The following EMCN variants were observed in gnomAD, a reference collection of about 807,000 sequenced individuals.
EMCN encodes MUC-14.
In EMCN, 37 loss-of-function variants were observed where a neutral mutation model predicts 38.4. The observed-to-expected ratio is 0.96, with a 90% confidence interval of 0.74 to 1.27. The LOEUF is 1.27. EMCN is among the 50% of genes most tolerant of loss of function. The pLI, the probability that EMCN is intolerant of heterozygous loss-of-function variation, is 0.00. For synonymous variants in EMCN, 95 were observed against 100.8 expected (o/e 0.94, Z 0.35); for missense variants, 318 against 302.8 (o/e 1.05, Z -0.37).
intron 1 of EMCN, chr4:100,487,098 T>C (rs992194579): frequency 3.7e-6 from 3 of 801,542 alleles, no homozygotes; most frequent in Non-Finnish European, 4.5e-6. Context: ...AAGGAATATC[T>C]TGGCAATGCT....
At chr4:100,417,196 A>G in intron 8 of EMCN, 55 bp from the exon 9 acceptor site, 1 of 1,557,556 alleles carries the variant, frequency 6.4e-7, no homozygotes, top group South Asian at 1.1e-5. Context: ...TACCATAAAT[A>G]TGAGCAAGCC....
intron 1 of EMCN, among the ~76,000 whole-genome samples, chr4:100,502,927 T>A (rs1729386988): frequency 6.6e-6 from 1 of 152,180 alleles, no homozygotes; most frequent in South Asian, 2.1e-4. Context: ...ATAATCTCAA[T>A]TTGATATAAT....
At chr4:100,447,834 C>T (rs575739427) in intron 4 of EMCN, among the ~76,000 whole-genome samples, 28 of 152,132 alleles carry the variant, frequency 1.8e-4, no homozygotes, top group African/African-American at 6.3e-4. Context: ...TAACTATTCA[C>T]CTCTGCCTTA....
intron 5 of EMCN, among the ~76,000 whole-genome samples, chr4:100,427,480 C>A (rs1379584629): frequency 6.8e-6 from 1 of 146,268 alleles, no homozygotes; most frequent in Non-Finnish European, 1.5e-5. Flanking sequence ...TAGAGATAGA[C>A]CTTGCTATGT....
At chr4:100,447,689 A>G (rs1727716756) in intron 4 of EMCN, 118 bp from the exon 5 acceptor site, 2 of 609,616 alleles carry the variant, frequency 3.3e-6, no homozygotes, top group Admixed American at 5.8e-5. Context: ...CTGATTCACT[A>G]TTTTCAAATC....
rs1256437158 is a variant in EMCN at position 100,517,964 on chromosome 4, A to C, written c.-50T>G. On this transcript the variant is annotated 5_prime_UTR_variant, in exon 1 of 12. Coordinates refer to ENST00000296420, the MANE Select transcript of EMCN (RefSeq NM_016242.4). ...CTTCTTTCTCCAGAAGCAGGCAGGG[A>C]CAATTCCCTCCCAGCCTGGCAGGGC... 6.3e-7 allele frequency: 1 copy of C among 1,587,780 alleles called. No homozygotes were observed.
At chr4:100,473,181 A>G (rs960972192) in intron 3 of EMCN, among the ~76,000 whole-genome samples, 14 of 149,374 alleles carry the variant, frequency 9.4e-5, no homozygotes, top group Non-Finnish European at 1.8e-4. Context: ...CGCCCAGTAA[A>G]TTTTTGTATT....
At chr4:100,427,350 C>A (rs1205645779) in intron 5 of EMCN, among the ~76,000 whole-genome samples, 1 of 152,184 alleles carries the variant, frequency 6.6e-6, no homozygotes, top group African/African-American at 2.4e-5. Context: ...CAGTTCCCTG[C>A]AGCCTTCATT....
intron 1 of EMCN, among the ~76,000 whole-genome samples, chr4:100,490,976 T>C (rs1474065219): frequency 6.6e-6 from 1 of 152,226 alleles, no homozygotes; most frequent in African/African-American, 2.4e-5. Context: ...CTGAGAAATG[T>C]CTCTTTAGTT....
At chr4:100,459,575 CT>C (rs1423623242) in intron 4 of EMCN, among the ~76,000 whole-genome samples, 1 of 152,054 alleles carries the variant, frequency 6.6e-6, no homozygotes, top group Admixed American at 6.6e-5. Flanking sequence ...CATTCCCACC[CT>C]ACCCAACTCC....
intron 5 of EMCN, among the ~76,000 whole-genome samples, chr4:100,427,880 C>A (rs1727094328): frequency 6.6e-6 from 1 of 152,130 alleles, no homozygotes; most frequent in Non-Finnish European, 1.5e-5. Flanking sequence ...GACATTCCTT[C>A]CAATTGCTCA....
intron 1 of EMCN, among the ~76,000 whole-genome samples, chr4:100,493,409 C>A (rs1398046451): frequency 6.6e-6 from 1 of 152,082 alleles, no homozygotes; most frequent in African/African-American, 2.4e-5. Flanking sequence ...GCTCATGTGG[C>A]GGAAGAAAGA....
At chr4:100,489,707 C>G (rs925932162) in intron 1 of EMCN, among the ~76,000 whole-genome samples, 12 of 152,252 alleles carry the variant, frequency 7.9e-5, no homozygotes, top group Admixed American at 7.2e-4. Context: ...ATATACCATA[C>G]AGTCAACCCT....
At chr4:100,416,545 A>G (rs374586859) in intron 9 of EMCN, among the ~76,000 whole-genome samples, 2 of 152,180 alleles carry the variant, frequency 1.3e-5, no homozygotes, top group East Asian at 3.9e-4. Context: ...ATTTAGCATT[A>G]TTTCTAAAGT....
At chr4:100,517,299 C>CA (rs1405920010) in intron 1 of EMCN, among the ~76,000 whole-genome samples, 1 of 152,110 alleles carries the variant, frequency 6.6e-6, no homozygotes, top group Non-Finnish European at 1.5e-5. Context: ...ATTTCTTCAG[C>CA]AAAAATCTAT....
chr4:100,441,781 T>G (rs1727525267), intron 5 of EMCN, among the ~76,000 whole-genome samples: 2 of 152,186 alleles, frequency 1.3e-5, no homozygotes, highest in Admixed American at 6.5e-5. Context: ...TACATTTACC[T>G]TTCCCCTCAC....
intron 1 of EMCN, among the ~76,000 whole-genome samples, chr4:100,482,257 A>G (rs1728828344): frequency 6.6e-6 from 1 of 151,990 alleles, no homozygotes; most frequent in African/African-American, 2.4e-5. Context: ...TGGTATTGCA[A>G]ATAATAGGGT....
intron 1 of EMCN, among the ~76,000 whole-genome samples, chr4:100,509,315 G>A (rs988149108): frequency 7.2e-5 from 11 of 152,158 alleles, no homozygotes; most frequent in South Asian, 2.1e-4. Context: ...AAAGGAAAGA[G>A]AAAAAATAAA....
At chr4:100,512,507 T>C (rs1406873066) in intron 1 of EMCN, among the ~76,000 whole-genome samples, 3 of 152,160 alleles carry the variant, frequency 2.0e-5, no homozygotes, top group Admixed American at 6.6e-5. Flanking sequence ...TGAAAGTTAC[T>C]TAAATTCCTA....
Sources: allele counts gnomAD v4.1 joint callset (sites outside exome capture counted in the v4.1 genomes callset), GRCh38; gene constraint gnomAD v4.1.1; transcripts MANE v1.5; gene names NCBI Gene and HGNC (gene_info 2026-07-23, HGNC 2026-07-21).